SP110: variants seen among roughly 807,000 people sequenced by gnomAD.
SP110 encodes the protein interferon-induced protein 41, 30kD.
A neutral mutation model predicts 92.7 loss-of-function variants in SP110; 62 were observed. The ratio of observed to expected loss-of-function variants is 0.67; its 90% CI spans 0.55 to 0.83. The LOEUF is 0.83. Ranked by LOEUF, SP110 falls within the 40% of genes least tolerant of loss-of-function variation. SP110 has a pLI of 0.00. For synonymous variants in SP110, 273 were observed against 305.3 expected (o/e 0.89, Z 1.10); for missense variants, 793 against 863.9 (o/e 0.92, Z 1.03).
chr2:230,202,151 T>A (rs2148858236), intron 9 of SP110, among the ~76,000 whole-genome samples: 1 of 152,378 alleles, frequency 6.6e-6, no homozygotes, highest in African/African-American at 2.4e-5. Context: ...TTACTTTTCA[T>A]AAAATAATGC....
chr2:230,198,973 T>C (rs1239888355), intron 10 of SP110, among the ~76,000 whole-genome samples: 1 of 152,012 alleles, frequency 6.6e-6, no homozygotes, highest in African/African-American at 2.4e-5. Flanking sequence ...AGCTGGAACA[T>C]AGACATGCTG....
chr2:230,201,879 G>A (rs551984986), intron 9 of SP110, among the ~76,000 whole-genome samples: 1 of 152,316 alleles, frequency 6.6e-6, no homozygotes, highest in Non-Finnish European at 1.5e-5. Context: ...CACTTGTTGA[G>A]TGTTGGTGTA....
chr2:230,201,687 T>C (rs1446362427), intron 9 of SP110, among the ~76,000 whole-genome samples: 2 of 152,246 alleles, frequency 1.3e-5, no homozygotes, highest in Non-Finnish European at 2.9e-5. Flanking sequence ...GTGATTGAGA[T>C]ACAAGCTCAC....
intron 3 of SP110, chr2:230,214,222 AC>A (rs1272912360): frequency 6.6e-6 from 1 of 151,842 alleles, no homozygotes; most frequent in African/African-American, 2.4e-5. Context: ...TTCTTTCTCT[AC>A]GTACTTCATG....
intron 14 of SP110, chr2:230,176,472 A>G (rs2041864423): frequency 6.8e-7 from 1 of 1,460,468 alleles, no homozygotes; most frequent in East Asian, 2.5e-5. Flanking sequence ...CATGGACATG[A>G]TGAGCTTTTT....
chr2:230,169,380 C>T lies in SP110; in HGVS notation c.2029-143G>A, dbSNP rs570655191. 1.1e-3 allele frequency: 731 copies of T among 681,660 alleles called. 11 individuals are homozygous for T. The highest frequency in any genetic ancestry group is 0.011 in the South Asian group (709 of 67,354). 42.2% of individuals were successfully genotyped at this position (681,660 alleles called of 1,614,324 possible). On this transcript the variant is annotated intron_variant, in intron 18 of 18. Transcript: ENST00000258381. ...CTGTGGTGCAGTGGCACCGTCATGG[C>T]TCACTGCAGCCTTGAATTCCTGGGC...
At position 230,185,982 on chromosome 2, in the gene SP110, C is replaced by A. The variant is rs1559146572; in HGVS notation, c.1279+12G>T. ...GAGCTATTCAAATAGCAGATTCCAT[C>A]ATTAGCCTTACCTTTCAATCTGGAC... On this transcript the variant is annotated intron_variant, in intron 11 of 18. Coordinates refer to ENST00000258381, the MANE Select transcript of SP110 (RefSeq NM_080424.4). 1 of 1,613,444 alleles carries A rather than the reference C, an allele frequency of 6.2e-7. No individual in the cohort carries two copies. Among genetic ancestry groups the A allele is most frequent in the South Asian group, 1.1e-5 (1 of 91,064 alleles).
chr2:230,214,892 C>A, intron 3 of SP110, 58 bp downstream of exon 3: 2 of 1,466,552 alleles, frequency 1.4e-6, no homozygotes, highest in Non-Finnish European at 1.9e-6. Context: ...AGAAGTAAAC[C>A]CAGACTTTTA....
upstream of SP110, among the ~76,000 whole-genome samples, chr2:230,222,186 C>T (rs1036516148): frequency 3.3e-5 from 5 of 149,618 alleles, no homozygotes; most frequent in East Asian, 2.0e-4. Flanking sequence ...GCTGAGACTG[C>T]GCCACAGCAG....
At chr2:230,170,819 C>G in intron 17 of SP110, 58 bp from the exon 18 acceptor site, 2 of 1,557,594 alleles carry the variant, frequency 1.3e-6, no homozygotes, top group Non-Finnish European at 1.8e-6. Context: ...TGGAATGGAT[C>G]CAACTTAAAT....
chr2:230,165,837 A>G lies in SP110; in HGVS notation c.*3287T>C, dbSNP rs558109704. Among the ~76,000 whole-genome samples the G allele has an allele frequency of 1.3e-5, 2 of 152,004 alleles. No individual in the cohort carries two copies. The highest frequency in any genetic ancestry group is 2.9e-5 in the Non-Finnish European group (2 of 67,988). On this transcript the variant is annotated 3_prime_UTR_variant, in exon 19 of 19. Coordinates refer to ENST00000258381, the MANE Select transcript of SP110 (RefSeq NM_080424.4). Reference sequence around the variant, plus strand: ...AAGAAAAAAAATAGACAAAAATAACATTAAAACATTAAAAAGAGAAATATT... The same window carrying G: ...AAGAAAAAAAATAGACAAAAATAACGTTAAAACATTAAAAAGAGAAATATT...
At chr2:230,212,554 G>A in intron 4 of SP110, 124 bp from the exon 5 acceptor site, 4 of 1,046,124 alleles carry the variant, frequency 3.8e-6, no homozygotes, top group Middle Eastern at 2.0e-4. Flanking sequence ...GGAATGTCCC[G>A]GGAGTGGGAA....
intron 9 of SP110, 127 bp downstream of exon 9, chr2:230,202,452 C>A: frequency 1.2e-6 from 1 of 826,990 alleles, no homozygotes. Context: ...TGTTATACCC[C>A]ATCCTCATTC....
At chr2:230,184,773 A>G (rs1049620140) in intron 11 of SP110, among the ~76,000 whole-genome samples, 1 of 152,202 alleles carries the variant, frequency 6.6e-6, no homozygotes, top group Admixed American at 6.5e-5. Context: ...AAAAAATTCC[A>G]ATGTCAAATT....
At chr2:230,171,869 C>G in intron 16 of SP110, 102 bp from the exon 17 acceptor site, 1 of 953,752 alleles carries the variant, frequency 1.0e-6, no homozygotes, top group Non-Finnish European at 1.7e-6. Flanking sequence ...CAAGCCCAGT[C>G]AGCATTCCAG....
At position 230,176,638 on chromosome 2, in the gene SP110, C is replaced by T. The variant is rs182843656; in HGVS notation, c.1590+900G>A. 5 of 1,614,020 alleles carry T rather than the reference C, an allele frequency of 3.1e-6. No homozygotes were observed. The African/African-American group carries it at 4.0e-5, about 13-fold the overall frequency. ...GCCTCCAGACAGGGAAAGTCTGCAA[C>T]ATGGTGACTGAGAGGGTAGTAGAAA... On this transcript the variant is annotated intron_variant, in intron 14 of 18. Coordinates refer to ENST00000258381, the MANE Select transcript of SP110 (RefSeq NM_080424.4).
In SP110 at chr2:230,212,837, G is replaced by A. The variant is rs1327353483; in HGVS notation, c.507C>T (p.Ile169=). 2 of 1,614,106 alleles carry A rather than the reference G, an allele frequency of 1.2e-6. No individual in the cohort carries two copies. Among genetic ancestry groups the A allele is most frequent in the Admixed American group, 1.7e-5 (1 of 60,018 alleles). Reference sequence around the variant, plus strand: ...CAGATGGGCTGGGCGACTCACTCAGGATCTCATCGCTTTGCTGGGAGGATG... The same window carrying A: ...CAGATGGGCTGGGCGACTCACTCAGAATCTCATCGCTTTGCTGGGAGGATG... ...PGTSSQQSDE[I]LSESPSPSDP... is the part of the protein sequence containing the mutation. Residue 169 remains isoleucine (I), a synonymous_variant, in exon 4 of 19, where the codon ATC becomes ATT. Coordinates refer to ENST00000258381, the MANE Select transcript of SP110 (RefSeq NM_080424.4).
At chr2:230,222,126 A>G (rs2045873805), upstream of SP110, among the ~76,000 whole-genome samples, 1 of 151,456 alleles carries the variant, frequency 6.6e-6, no homozygotes, top group Non-Finnish European at 1.5e-5. Context: ...GCTACTCGGG[A>G]GGCTGAGGCA....
At chr2:230,173,695 A>T (rs1200086548) in intron 14 of SP110, 2 of 152,140 alleles carry the variant, frequency 1.3e-5, no homozygotes, top group Non-Finnish European at 2.9e-5. Context: ...TAGGCTTGGA[A>T]AGAATGAATG....
Sources: allele counts gnomAD v4.1 joint callset (sites outside exome capture counted in the v4.1 genomes callset), GRCh38; gene constraint gnomAD v4.1.1; transcripts MANE v1.5; gene names NCBI Gene and HGNC (gene_info 2026-07-23, HGNC 2026-07-21).